DTNA: variants seen among roughly 807,000 people sequenced by gnomAD.
DTNA encodes dystrophin-related protein 3.
In DTNA, 43 loss-of-function variants were observed where a neutral mutation model predicts 100.7. That is an observed-to-expected ratio of 0.43 (90% CI 0.33 to 0.55). DTNA has a LOEUF of 0.55. DTNA is among the 20% of genes least tolerant of loss of function. The probability of loss-of-function intolerance (pLI) is 0.04; values close to 1 mark genes in which losing one functional copy is unlikely to be tolerated. For missense variants in DTNA, 798 were observed against 953.9 expected, an observed-to-expected ratio of 0.84 and a Z score of 2.15; for synonymous variants, 349 against 347.9, an observed-to-expected ratio of 1.00 and a Z score of -0.04.
At chr18:34,503,279 A>ATTTTT (rs869258771) in intron 1 of DTNA, among the ~76,000 whole-genome samples, 2 of 62,042 alleles carry the variant, frequency 3.2e-5, no homozygotes, top group Non-Finnish European at 2.8e-5. Context: ...TAATTGGCTC[A>ATTTTT]TTTTTTTTTT....
intron 1 of DTNA, among the ~76,000 whole-genome samples, chr18:34,555,121 G>C (rs1601798422): frequency 7.5e-6 from 1 of 133,936 alleles, no homozygotes; most frequent in East Asian, 2.0e-4. Flanking sequence ...TATGTGTCGA[G>C]GAATTTATCC....
At chr18:34,860,987 A>T (rs1379567988) in intron 16 of DTNA, among the ~76,000 whole-genome samples, 1 of 152,182 alleles carries the variant, frequency 6.6e-6, no homozygotes, top group African/African-American at 2.4e-5. Context: ...TTATGTACTT[A>T]TATATGATTT....
rs190353243 is a variant in DTNA, at chr18:34,499,333, T to C, written c.-2+5819T>C. On this transcript the variant is annotated intron_variant, in intron 1 of 19. Transcript: ENST00000283365. ...CCAATAGCTTACTGCATTTTATTGCTGAATAGTATTTTGTGGCATACATGA... is the reference window on the plus strand; with the variant it reads ...CCAATAGCTTACTGCATTTTATTGCCGAATAGTATTTTGTGGCATACATGA... Among the ~76,000 whole-genome samples, 372 of 152,356 alleles carry C rather than the reference T, an allele frequency of 2.4e-3. 3 individuals are homozygous for C. The highest frequency in any genetic ancestry group is 0.02 in the Middle Eastern group (6 of 294).
At chr18:34,537,954 G>A (rs145160969) in intron 1 of DTNA, among the ~76,000 whole-genome samples, 2 of 151,992 alleles carry the variant, frequency 1.3e-5, no homozygotes, top group East Asian at 3.9e-4. Context: ...TTTTCAAAAT[G>A]ATAGATAGGG....
chr18:34,775,108 A>G (rs921715112), intron 3 of DTNA, among the ~76,000 whole-genome samples: 1 of 152,244 alleles, frequency 6.6e-6, no homozygotes, highest in South Asian at 2.1e-4. Context: ...CTGTGATTAG[A>G]TTATGTTACA....
chr18:34,818,740 G>C (rs761794081), intron 8 of DTNA: 2 of 720,460 alleles, frequency 2.8e-6, no homozygotes, highest in East Asian at 7.6e-5. Flanking sequence ...GTTCTTTTAA[G>C]TGCGTGACTA....
At chr18:34,636,562 C>T (rs963618451) in intron 1 of DTNA, among the ~76,000 whole-genome samples, 4 of 152,170 alleles carry the variant, frequency 2.6e-5, no homozygotes, top group African/African-American at 9.7e-5. Flanking sequence ...TTTTACTCAT[C>T]ATTGTTCTTG....
chr18:34,865,645 A>T (rs1339677560), intron 17 of DTNA, among the ~76,000 whole-genome samples: 1 of 152,248 alleles, frequency 6.6e-6, no homozygotes, highest in African/African-American at 2.4e-5. Context: ...GATAACCAAA[A>T]ATAAACTCTT....
intron 11 of DTNA, among the ~76,000 whole-genome samples, chr18:34,832,133 A>G (rs2096025380): frequency 1.3e-5 from 2 of 152,212 alleles, no homozygotes; most frequent in African/African-American, 4.8e-5. Context: ...TTTGAAAATC[A>G]AAGTTTTCTT....
intron 1 of DTNA, among the ~76,000 whole-genome samples, chr18:34,718,646 G>A (rs2084577039): frequency 6.6e-6 from 1 of 152,160 alleles, no homozygotes; most frequent in Non-Finnish European, 1.5e-5. Flanking sequence ...AAAAAGAAGG[G>A]TGGAAAATGC....
At chr18:34,800,195 T>G in intron 4 of DTNA, among the ~76,000 whole-genome samples, 1 of 152,232 alleles carries the variant, frequency 6.6e-6, no homozygotes, top group Non-Finnish European at 1.5e-5. Context: ...CACTTGTGCA[T>G]TCATTAATTG....
intron 22 of DTNA, among the ~76,000 whole-genome samples, chr18:34,885,020 G>T (rs368412307): frequency 1.1e-4 from 17 of 152,272 alleles, no homozygotes; most frequent in African/African-American, 3.9e-4. Flanking sequence ...TTGGCACAAA[G>T]CTTCTAAACC....
chr18:34,784,126 C>G (rs1463525915), intron 3 of DTNA, among the ~76,000 whole-genome samples: 1 of 152,170 alleles, frequency 6.6e-6, no homozygotes, highest in East Asian at 1.9e-4. Context: ...TTGAGACCCA[C>G]TTATGGCTCT....
Position 34,889,348 on chromosome 18 carries a change from G to T in DTNA, c.*1614G>T, listed in dbSNP as rs550254471. 3.8e-5 allele frequency: 37 copies of T among 982,396 alleles called. No individual in the cohort carries two copies. The highest frequency in any genetic ancestry group is 4.5e-5 in the Non-Finnish European group (37 of 827,372). The allele number at this position is 982,396 out of a possible 1,614,324, so 60.9% of individuals were successfully genotyped here. A position where few individuals can be genotyped will look rare whatever the true frequency, so the allele number is the denominator to read the frequency against. On this transcript the variant is annotated 3_prime_UTR_variant, in exon 23 of 23. Transcript: ENST00000444659. ...AGGCCTACTGAATCAGAAGCTCTGG[G>T]GGTTGGGTCCAGAAGTCTGTTTTAG...
intron 1 of DTNA, among the ~76,000 whole-genome samples, chr18:34,580,518 T>C (rs1235794971): frequency 6.6e-6 from 1 of 152,134 alleles, no homozygotes; most frequent in African/African-American, 2.4e-5. Context: ...TGATTAGATA[T>C]GAATGTAAGC....
chr18:34,854,010 GA>G (rs1282329782), intron 15 of DTNA, among the ~76,000 whole-genome samples: 5 of 152,166 alleles, frequency 3.3e-5, no homozygotes, highest in African/African-American at 1.2e-4. Flanking sequence ...TAAAAGTGGG[GA>G]CAGGCAGGCA....
chr18:34,554,357 G>A (rs1398783575), intron 1 of DTNA, among the ~76,000 whole-genome samples: 10,950 of 121,080 alleles, frequency 0.09, 459 homozygotes, highest in African/African-American at 0.16. Flanking sequence ...CTAATTGAAT[G>A]CCCTTTATTT....
chr18:34,836,551 G>A (rs2096150363), intron 11 of DTNA, among the ~76,000 whole-genome samples: 2 of 151,582 alleles, frequency 1.3e-5, no homozygotes, highest in South Asian at 4.2e-4. Context: ...GGGAGGCTGA[G>A]GCAGGAGAAT....
intron 19 of DTNA, 150 bp downstream of exon 19, chr18:34,877,958 G>A (rs1267505637): frequency 3.8e-6 from 3 of 794,862 alleles, no homozygotes; most frequent in East Asian, 5.7e-5. Flanking sequence ...AGATTTGAGG[G>A]GTTTTTTTTT....
Sources: allele counts gnomAD v4.1 joint callset (sites outside exome capture counted in the v4.1 genomes callset), GRCh38; gene constraint gnomAD v4.1.1; transcripts MANE v1.5; gene names NCBI Gene and HGNC (gene_info 2026-07-23, HGNC 2026-07-21).